ARHGEF3: variants seen among roughly 807,000 people sequenced by gnomAD.
The protein encoded by ARHGEF3 is Rho guanine nucleotide exchange factor 3, also known as 59.8 kDA protein.
Under a neutral mutation model 63.2 loss-of-function variants are expected in ARHGEF3, and 28 were observed. The ratio of observed to expected loss-of-function variants is 0.44; its 90% confidence interval spans 0.33 to 0.61. ARHGEF3 has a LOEUF of 0.61. Ranked by LOEUF, ARHGEF3 falls within the 20% of genes least tolerant of loss-of-function variation. The pLI is 0.03. For synonymous variants in ARHGEF3, 266 were observed against 254.2 expected (o/e 1.05, Z -0.44); for missense variants, 533 against 659.3 (o/e 0.81, Z 2.10).
chr3:57,066,371 C>T (rs1295407582), intron 1 of ARHGEF3, among the ~76,000 whole-genome samples: 1 of 152,142 alleles, frequency 6.6e-6, no homozygotes, highest in Non-Finnish European at 1.5e-5. Context: ...AAGCGATTCA[C>T]CTGCCTCAGC....
intron 1 of ARHGEF3, among the ~76,000 whole-genome samples, chr3:56,777,628 T>C (rs947727069): frequency 6.6e-6 from 1 of 152,164 alleles, no homozygotes; most frequent in Non-Finnish European, 1.5e-5. Flanking sequence ...CCTCCAAAAA[T>C]AGTTCCATTG....
At chr3:56,754,810 G>A (rs1193023185) in intron 3 of ARHGEF3, among the ~76,000 whole-genome samples, 171 bp downstream of exon 3, 2 of 152,150 alleles carry the variant, frequency 1.3e-5, no homozygotes, top group Non-Finnish European at 2.9e-5. Flanking sequence ...CACCCTCCCA[G>A]CTGGTTTCTG....
At position 57,042,651 on chromosome 3, in the gene ARHGEF3, AATATATATATATATATATATAT is replaced by A. The variant is rs71076013; in HGVS notation, c.-27-7497_-27-7476del. 3.7e-3 allele frequency among the ~76,000 whole-genome samples: 180 copies of A among 49,288 alleles called. 18 individuals are homozygous for A. In the East Asian group the frequency reaches 0.068, roughly 19 times the overall value. The allele number at this position is 49,288 out of a possible 152,430, so 32.3% of individuals were successfully genotyped here. ...CCCAGCATAACACTGTATGTACATA[AATATATATATATATATATATAT>A]ATATATATATATATATATATATATA... On this transcript the variant is annotated intron_variant, in intron 1 of 12. Coordinates refer to the ARHGEF3 transcript ENST00000338458.
intron 3 of ARHGEF3, among the ~76,000 whole-genome samples, chr3:56,894,462 T>C (rs1054149241): frequency 9.2e-5 from 14 of 152,180 alleles, no homozygotes; most frequent in African/African-American, 3.4e-4. Flanking sequence ...TGATATTTTA[T>C]GTACTGTATT....
At chr3:56,962,315 A>C (rs1264940362) in intron 2 of ARHGEF3, among the ~76,000 whole-genome samples, 1 of 152,224 alleles carries the variant, frequency 6.6e-6, no homozygotes, top group Non-Finnish European at 1.5e-5. Context: ...TTGTAGAAGC[A>C]GTATTTTGCA....
At chr3:56,982,332 G>T (rs1198635708) in intron 2 of ARHGEF3, among the ~76,000 whole-genome samples, 1 of 151,840 alleles carries the variant, frequency 6.6e-6, no homozygotes, top group Non-Finnish European at 1.5e-5. Flanking sequence ...TTGTTTCTTT[G>T]CAAAAGTTCA....
intron 8 of ARHGEF3, among the ~76,000 whole-genome samples, chr3:56,735,112 C>T (rs761008690): frequency 1.5e-4 from 23 of 152,072 alleles, no homozygotes; most frequent in Non-Finnish European, 3.1e-4. Flanking sequence ...GGTGAAACCC[C>T]ATCTCTACTA....
At chr3:56,968,042 A>T (rs866423276) in intron 2 of ARHGEF3, among the ~76,000 whole-genome samples, 3 of 9,654 alleles carry the variant, frequency 3.1e-4, no homozygotes, top group African/African-American at 4.3e-4. Flanking sequence ...AATATATATA[A>T]AATATATATA....
intron 1 of ARHGEF3, among the ~76,000 whole-genome samples, chr3:57,066,809 CG>C (rs1350635359): frequency 6.6e-5 from 10 of 152,056 alleles, no homozygotes; most frequent in Non-Finnish European, 1.5e-4. Flanking sequence ...AGAAAAAGAC[CG>C]ACCTCCCAGA....
At chr3:56,818,880 T>A (rs959706460) in intron 4 of ARHGEF3, among the ~76,000 whole-genome samples, 2 of 151,998 alleles carry the variant, frequency 1.3e-5, no homozygotes, top group Admixed American at 6.6e-5. Flanking sequence ...GATAAAGTGC[T>A]CCCACAAGAA....
At chr3:56,790,773 GC>G (rs1486259664) in intron 1 of ARHGEF3, among the ~76,000 whole-genome samples, 1 of 152,114 alleles carries the variant, frequency 6.6e-6, no homozygotes, top group African/African-American at 2.4e-5. Flanking sequence ...TTACCATTTT[GC>G]CCCCCTCGGC....
intron 3 of ARHGEF3, among the ~76,000 whole-genome samples, chr3:56,925,519 C>T (rs2042252782): frequency 6.6e-6 from 1 of 152,208 alleles, no homozygotes; most frequent in Non-Finnish European, 1.5e-5. Context: ...TTATCACATC[C>T]TGTAACCAAT....
chr3:56,994,008 G>T (rs1701869097), intron 2 of ARHGEF3, among the ~76,000 whole-genome samples: 1 of 132,570 alleles, frequency 7.5e-6, no homozygotes. Context: ...AAGTTGCAGT[G>T]AGCCGAGATC....
intron 3 of ARHGEF3, among the ~76,000 whole-genome samples, chr3:56,923,423 T>C (rs193296629): frequency 1.3e-5 from 2 of 152,112 alleles, no homozygotes; most frequent in Admixed American, 6.5e-5. Context: ...TCCTAGCAAA[T>C]TGAAAAGCAG....
At chr3:56,839,387 C>T (rs2039235487) in intron 4 of ARHGEF3, among the ~76,000 whole-genome samples, 1 of 151,992 alleles carries the variant, frequency 6.6e-6, no homozygotes, top group Non-Finnish European at 1.5e-5. Context: ...AGGTAACTCA[C>T]AGAACAACAT....
chr3:56,739,921 C>T (rs759414401), intron 7 of ARHGEF3, among the ~76,000 whole-genome samples: 6 of 144,506 alleles, frequency 4.2e-5, no homozygotes, highest in Non-Finnish European at 6.0e-5. Context: ...TTTTTTGAGA[C>T]GGAGTCTTGT....
chr3:57,042,692 A>ATTTTTTTTT (rs1447905041), intron 1 of ARHGEF3, among the ~76,000 whole-genome samples: 3 of 23,950 alleles, frequency 1.3e-4, no homozygotes, highest in Non-Finnish European at 2.4e-4. Context: ...ATATATATAT[A>ATTTTTTTTT]TATATATATT....
chr3:57,016,535 G>T (rs927634557), intron 2 of ARHGEF3, among the ~76,000 whole-genome samples: 2 of 152,018 alleles, frequency 1.3e-5, no homozygotes, highest in African/African-American at 4.8e-5. Context: ...GCAACAGAGC[G>T]AAACTCCGTC....
intron 1 of ARHGEF3, among the ~76,000 whole-genome samples, chr3:57,055,109 G>A (rs1485601817): frequency 1.3e-5 from 2 of 150,866 alleles, no homozygotes; most frequent in Non-Finnish European, 2.9e-5. Flanking sequence ...GGTGTCTCTT[G>A]AAGAAGAGTT....
Sources: gnomAD v4.1 joint callset for allele counts (sites outside exome capture counted in the v4.1 genomes callset) on GRCh38, gnomAD v4.1.1 for gene constraint, MANE v1.5 for transcripts, NCBI Gene and HGNC (gene_info 2026-07-23, HGNC 2026-07-21) for gene names.